Variants in PATJ observed in about 807,000 individuals in gnomAD.
The protein encoded by PATJ is inaD-like protein.
PATJ carries 190 observed loss-of-function variants against 224.9 expected under a neutral mutation model. That is an observed-to-expected ratio of 0.84 (90% CI 0.75 to 0.95). PATJ has a LOEUF of 0.95. Among genes scored for constraint, PATJ ranks in the 40% least tolerant of loss-of-function variants. The pLI, the probability that PATJ is intolerant of heterozygous loss-of-function variation, is 0.00. For synonymous variants in PATJ, 769 were observed against 820.3 expected, an observed-to-expected ratio of 0.94 and a Z score of 1.07; for missense variants, 2,121 against 2,270.3, an observed-to-expected ratio of 0.93 and a Z score of 1.34.
At chr1:61,763,236 CAAAG>C in intron 3 of PATJ, 57 bp downstream of exon 3, 9 of 1,041,812 alleles carry the variant, frequency 8.6e-6, no homozygotes, top group Non-Finnish European at 1.2e-5. Flanking sequence ...TTCAAACCAT[CAAAG>C]AAAGATAGAG....
In PATJ at chr1:61,965,121, CAAAAAAAAAAAAAAAAAAAAAA is replaced by C. The variant is rs34267345; in HGVS notation, c.3671-25028_3671-25007del. On this transcript the variant is annotated intron_variant, in intron 27 of 43. Transcript: ENST00000642238. The stretch of plus-strand genomic sequence containing the variant: ...TGGGCCACTGAAGGAGACTCTGTCT[CAAAAAAAAAAAAAAAAAAAAAA>C]AAAAAAAAAAAAAAAAAAGGAGCCT... Among the ~76,000 whole-genome samples, 26 of 54,384 alleles carry C rather than the reference CAAAAAAAAAAAAAAAAAAAAAA, an allele frequency of 4.8e-4. 1 individual carries two copies. Among genetic ancestry groups the C allele is most frequent in the East Asian group, 2.1e-3 (1 of 478 alleles). The allele number at this position is 54,384 out of a possible 152,430, so 35.7% of individuals were successfully genotyped here.
At position 62,152,801 on chromosome 1, in the gene PATJ, A is replaced by G. The variant is rs559642388; in HGVS notation, c.5379-557A>G. Among the ~76,000 whole-genome samples, 13 of 152,288 alleles carry G rather than the reference A, an allele frequency of 8.5e-5. No individual in the cohort carries two copies. The East Asian group carries it at 1.9e-3, about 23-fold the overall frequency. ...CCTCTGTCTCCATGCACATGCTTCAAGGATGTGACGACAGCTTCCTTCAGC... is the reference window on the plus strand; with the variant it reads ...CCTCTGTCTCCATGCACATGCTTCAGGGATGTGACGACAGCTTCCTTCAGC... On this transcript the variant is annotated intron_variant, in intron 42 of 43. Transcript: ENST00000642238.
In PATJ at chr1:61,772,106, G is replaced by GTTT. The variant is rs753366748; in HGVS notation, c.720+495_720+497dup. On this transcript the variant is annotated intron_variant, in intron 6 of 43. Coordinates refer to ENST00000642238, the MANE Select transcript of PATJ (RefSeq NM_001350145.3). The stretch of plus-strand genomic sequence containing the variant: ...TTAAACAAGATGTTTCATGACGGTC[G>GTTT]TTTTTTTTTTTTTTTTTGTCTTTTC... 2.2e-3 allele frequency among the ~76,000 whole-genome samples: 253 copies of GTTT among 115,328 alleles called. 12 individuals are homozygous for GTTT. The South Asian group carries it at 0.024, about 11-fold the overall frequency. 75.7% of individuals were successfully genotyped at this position (115,328 alleles called of 152,430 possible). A position where few individuals can be genotyped will look rare whatever the true frequency, so the allele number is the denominator to read the frequency against.
chr1:62,128,034 C>A lies in PATJ; in HGVS notation c.5106C>A (p.Ile1702=). The A allele has an allele frequency of 6.2e-7, 1 of 1,613,996 alleles. No homozygotes were observed. Among genetic ancestry groups the A allele is most frequent in the South Asian group, 1.1e-5 (1 of 91,070 alleles). The part of the protein sequence containing the change: ...AGGRGSPLGD[I]PVFIAMIQAS... ...GAAGAGGAAGTCCCTTAGGAGATAT[C>A]CCCGTATTTATTGCCATGATTCAGG... The change falls in exon 40 of 44, where the codon ATC becomes ATA. Residue 1702 remains isoleucine, a synonymous_variant. Coordinates refer to ENST00000642238, the MANE Select transcript of PATJ (RefSeq NM_001350145.3).
At chr1:61,766,676 GTATC>G (rs1646289885) in intron 4 of PATJ, among the ~76,000 whole-genome samples, 1 of 152,110 alleles carries the variant, frequency 6.6e-6, no homozygotes, top group Non-Finnish European at 1.5e-5. Context: ...CATAAGGAAA[GTATC>G]CATGTATGTG....
intron 38 of PATJ, among the ~76,000 whole-genome samples, chr1:62,121,595 G>A (rs913155293): frequency 5.3e-5 from 8 of 151,634 alleles, no homozygotes; most frequent in South Asian, 2.1e-4. Flanking sequence ...GTGAAACCCC[G>A]TCTCTATTAA....
At chr1:61,917,513 A>C (rs1673621214) in intron 26 of PATJ, among the ~76,000 whole-genome samples, 1 of 152,212 alleles carries the variant, frequency 6.6e-6, no homozygotes, top group Non-Finnish European at 1.5e-5. Context: ...TTAATGTAGT[A>C]AATTATATTA....
At chr1:61,812,060 CA>C (rs370771926) in intron 14 of PATJ, among the ~76,000 whole-genome samples, 8 of 144,450 alleles carry the variant, frequency 5.5e-5, no homozygotes, top group Non-Finnish European at 3.0e-5. Flanking sequence ...GACTCCATCT[CA>C]AAAAAAAAAC....
At chr1:62,083,288 T>C (rs533090856) in intron 32 of PATJ, among the ~76,000 whole-genome samples, 1 of 152,260 alleles carries the variant, frequency 6.6e-6, no homozygotes, top group East Asian at 1.9e-4. Flanking sequence ...CGCCCAGCTA[T>C]TTTTTATATT....
At chr1:61,766,041 C>T (rs1442733706) in intron 3 of PATJ, among the ~76,000 whole-genome samples, 1 of 152,074 alleles carries the variant, frequency 6.6e-6, no homozygotes. Context: ...TTAACTTGGA[C>T]TAGTGGTAGA....
chr1:62,056,821 G>A (rs1265712977), intron 31 of PATJ, among the ~76,000 whole-genome samples: 1 of 152,040 alleles, frequency 6.6e-6, no homozygotes, highest in Non-Finnish European at 1.5e-5. Flanking sequence ...GCTCAAATTG[G>A]AGGTTACTAC....
chr1:61,797,963 C>T (rs745412861), intron 11 of PATJ, among the ~76,000 whole-genome samples: 4 of 152,118 alleles, frequency 2.6e-5, no homozygotes, highest in South Asian at 2.1e-4. Flanking sequence ...CCACCACACA[C>T]GGCTAATTCT....
chr1:61,960,230 G>A (rs1681074523), intron 27 of PATJ, among the ~76,000 whole-genome samples: 1 of 152,096 alleles, frequency 6.6e-6, no homozygotes, highest in South Asian at 2.1e-4. Flanking sequence ...ACTCTAATGT[G>A]GAAATGGAAG....
intron 31 of PATJ, among the ~76,000 whole-genome samples, chr1:62,056,808 A>G (rs1654625865): frequency 6.6e-6 from 1 of 152,108 alleles, no homozygotes; most frequent in Admixed American, 6.5e-5. Context: ...CATTGAAGCC[A>G]GGGCTCAAAT....
chr1:62,041,426 T>C (rs1344004936), intron 30 of PATJ, among the ~76,000 whole-genome samples: 4 of 152,084 alleles, frequency 2.6e-5, no homozygotes, highest in Non-Finnish European at 4.4e-5. Flanking sequence ...AGTAATATGG[T>C]AAAAGGCAAA....
intron 17 of PATJ, among the ~76,000 whole-genome samples, chr1:61,835,145 A>G (rs1659962317): frequency 6.6e-6 from 1 of 152,330 alleles, no homozygotes; most frequent in African/African-American, 2.4e-5. Flanking sequence ...TCTCTTTGGA[A>G]TATTACTGAA....
At position 61,805,534 on chromosome 1, in the gene PATJ, A is replaced by G. The variant is rs756601593; in HGVS notation, c.1626+10A>G. ...TGATTATGAAGTAATGGTATGTTAA[A>G]ATGCTCTAATAAAAAACATTCATGT... On this transcript the variant is annotated intron_variant, in intron 13 of 43. Coordinates refer to ENST00000642238, the MANE Select transcript of PATJ (RefSeq NM_001350145.3). The G allele has an allele frequency of 6.7e-7, 1 of 1,484,732 alleles. No individual in the cohort carries two copies. Among genetic ancestry groups the G allele is most frequent in the East Asian group, 2.3e-5 (1 of 44,224 alleles). The allele number at this position is 1,484,732 out of a possible 1,614,324, so 92.0% of individuals were successfully genotyped here. A position where few individuals can be genotyped will look rare whatever the true frequency, so the allele number is the denominator to read the frequency against.
intron 39 of PATJ, among the ~76,000 whole-genome samples, chr1:62,124,918 C>T (rs1303279876): frequency 6.6e-6 from 1 of 152,020 alleles, no homozygotes. Flanking sequence ...TTAGGGGGAC[C>T]CAATTCAGCC....
chr1:61,883,677 A>G (rs1350604506), intron 21 of PATJ, among the ~76,000 whole-genome samples: 1 of 151,778 alleles, frequency 6.6e-6, no homozygotes, highest in Non-Finnish European at 1.5e-5. Flanking sequence ...AACTGTATGA[A>G]TCCGGGAGGC....
Sources: gnomAD v4.1 joint callset for allele counts (sites outside exome capture counted in the v4.1 genomes callset) on GRCh38, gnomAD v4.1.1 for gene constraint, MANE v1.5 for transcripts, NCBI Gene and HGNC (gene_info 2026-07-23, HGNC 2026-07-21) for gene names.